The following STPG2 variants were observed in gnomAD, a reference collection of about 807,000 sequenced individuals.
STPG2 encodes the protein sperm-tail PG-rich repeat-containing protein 2.
Under a neutral mutation model 54.2 loss-of-function variants are expected in STPG2, and 56 were observed. The ratio of observed to expected loss-of-function variants is 1.03; its 90% confidence interval spans 0.83 to 1.29. The LOEUF (loss-of-function observed/expected upper bound fraction) is 1.29, where lower values mean the gene tolerates loss of function less well. Among genes scored for constraint, STPG2 ranks in the 50% most tolerant of loss-of-function variants. The pLI, the probability that STPG2 is intolerant of heterozygous loss-of-function variation, is 0.00. For synonymous variants in STPG2, 200 were observed against 181.8 expected, an observed-to-expected ratio of 1.10 and a Z score of -0.81; for missense variants, 596 against 544.9, an observed-to-expected ratio of 1.09 and a Z score of -0.93.
At chr4:98,088,326 T>C (rs1418389230) in intron 5 of STPG2, among the ~76,000 whole-genome samples, 1 of 152,182 alleles carries the variant, frequency 6.6e-6, no homozygotes, top group Non-Finnish European at 1.5e-5. Flanking sequence ...TATGCTCTTT[T>C]TAAACCTTAG....
intron 8 of STPG2, among the ~76,000 whole-genome samples, chr4:97,884,284 C>T (rs1024404219): frequency 4.6e-5 from 7 of 152,084 alleles, no homozygotes; most frequent in Non-Finnish European, 7.4e-5. Context: ...AAAATTTTTA[C>T]AATGAACTTA....
intron 4 of STPG2, among the ~76,000 whole-genome samples, chr4:97,535,426 A>T (rs12646348): frequency 0.057 from 8,743 of 152,206 alleles, 321 homozygotes; most frequent in Admixed American, 0.12. Context: ...CATTTAGCCT[A>T]TCTTTGAGTC....
chr4:98,027,319 G>T (rs1435727231), intron 5 of STPG2, among the ~76,000 whole-genome samples: 1 of 152,128 alleles, frequency 6.6e-6, no homozygotes, highest in East Asian at 1.9e-4. Flanking sequence ...ACAGTAAGCA[G>T]TCTAGCCCAC....
chr4:97,574,468 A>C (rs1427960388), intron 10 of STPG2, among the ~76,000 whole-genome samples: 1 of 152,110 alleles, frequency 6.6e-6, no homozygotes, highest in African/African-American at 2.4e-5. Context: ...ATTGGCAGAC[A>C]AAAGAGTATG....
intron 4 of STPG2, among the ~76,000 whole-genome samples, chr4:97,512,488 T>C (rs772248009): frequency 1.8e-4 from 28 of 151,984 alleles, no homozygotes; most frequent in Non-Finnish European, 3.5e-4. Context: ...ATCAACAGAT[T>C]TGGGATATCA....
At chr4:97,668,341 CT>C in intron 10 of STPG2, among the ~76,000 whole-genome samples, 1 of 152,212 alleles carries the variant, frequency 6.6e-6, no homozygotes, top group Non-Finnish European at 1.5e-5. Flanking sequence ...TGTGAAACAT[CT>C]TGATGGCTAG....
chr4:98,116,483 T>C (rs1739528698), intron 3 of STPG2, among the ~76,000 whole-genome samples: 1 of 151,882 alleles, frequency 6.6e-6, no homozygotes, highest in South Asian at 2.1e-4. Context: ...TCAGGACACA[T>C]AACCAGGAAG....
intron 8 of STPG2, among the ~76,000 whole-genome samples, chr4:97,904,140 G>T (rs889243082): frequency 6.6e-6 from 1 of 152,210 alleles, no homozygotes; most frequent in Non-Finnish European, 1.5e-5. Context: ...CTCCACCTCT[G>T]GGGGCAGGGC....
intron 8 of STPG2, among the ~76,000 whole-genome samples, chr4:97,871,051 G>A (rs868514673): frequency 1.7e-4 from 26 of 150,700 alleles, no homozygotes; most frequent in Non-Finnish European, 3.0e-4. Context: ...TTTAAAGAAC[G>A]TAATACTAAA....
intron 10 of STPG2, among the ~76,000 whole-genome samples, chr4:97,562,348 A>T (rs961798199): frequency 1.3e-5 from 2 of 152,122 alleles, no homozygotes; most frequent in African/African-American, 2.4e-5. Context: ...TGGGCTGAGA[A>T]AATGGGGTTT....
At chr4:97,925,245 G>A (rs1406308672) in intron 8 of STPG2, among the ~76,000 whole-genome samples, 1 of 152,118 alleles carries the variant, frequency 6.6e-6, no homozygotes, top group East Asian at 1.9e-4. Flanking sequence ...GTTAGAATCT[G>A]GTTTATCACA....
At chr4:98,128,645 G>T in intron 2 of STPG2, 53 bp from the exon 3 acceptor site, 1 of 1,388,720 alleles carries the variant, frequency 7.2e-7, no homozygotes, top group Non-Finnish European at 9.6e-7. Context: ...GAAGGGGAAT[G>T]AAGAACCAAA....
intron 9 of STPG2, among the ~76,000 whole-genome samples, chr4:97,744,438 A>C (rs1344772613): frequency 2.0e-5 from 3 of 151,396 alleles, no homozygotes; most frequent in African/African-American, 7.2e-5. Context: ...ATAAATATTT[A>C]AATAAAGGTG....
intron 9 of STPG2, among the ~76,000 whole-genome samples, chr4:97,837,028 C>T (rs551571612): frequency 1.9e-3 from 292 of 151,502 alleles, no homozygotes; most frequent in African/African-American, 6.9e-3. Context: ...AAGATTAATC[C>T]TATCTTGTTA....
chr4:97,580,586 G>C (rs1372300538), intron 10 of STPG2, among the ~76,000 whole-genome samples: 11 of 151,230 alleles, frequency 7.3e-5, no homozygotes, highest in Non-Finnish European at 1.6e-4. Context: ...CACACACAAA[G>C]AGAATTATTT....
At chr4:97,996,651 G>A (rs1416937333) in intron 5 of STPG2, among the ~76,000 whole-genome samples, 1 of 93,596 alleles carries the variant, frequency 1.1e-5, no homozygotes, top group Admixed American at 1.1e-4. Flanking sequence ...CCTATAGAAT[G>A]AGAGAAAAAT....
chr4:97,725,413 C>A (rs1298208440), intron 9 of STPG2, among the ~76,000 whole-genome samples: 1 of 150,984 alleles, frequency 6.6e-6, no homozygotes. Flanking sequence ...GAAAAACTGA[C>A]CCTGAAGAAA....
At chr4:97,873,023 T>A (rs1730046736) in intron 8 of STPG2, among the ~76,000 whole-genome samples, 1 of 151,420 alleles carries the variant, frequency 6.6e-6, no homozygotes, top group Admixed American at 6.6e-5. Context: ...GGTATGTTCA[T>A]TGCTACTGGG....
intron 10 of STPG2, among the ~76,000 whole-genome samples, chr4:97,690,745 A>G (rs1279115204): frequency 6.6e-6 from 1 of 152,126 alleles, no homozygotes; most frequent in African/African-American, 2.4e-5. Context: ...CTTTCTTTCA[A>G]CTTCCTCTAA....
Sources: allele counts gnomAD v4.1 joint callset (sites outside exome capture counted in the v4.1 genomes callset), GRCh38; gene constraint gnomAD v4.1.1; transcripts MANE v1.5; gene names NCBI Gene and HGNC (gene_info 2026-07-23, HGNC 2026-07-21).